ITPR2: variants seen among roughly 807,000 people sequenced by gnomAD.
The protein encoded by ITPR2 is inositol 1,4,5-trisphosphate receptor type 2.
In ITPR2, 207 loss-of-function variants were observed where a neutral mutation model predicts 317.1. That is an observed-to-expected ratio of 0.65 (90% CI 0.58 to 0.73). The LOEUF (loss-of-function observed/expected upper bound fraction) is 0.73. Among genes scored for constraint, ITPR2 ranks in the 30% least tolerant of loss-of-function variants. The pLI is 0.00. For synonymous variants in ITPR2, 1,156 were observed against 1,149.1 expected, an observed-to-expected ratio of 1.01 and a Z score of -0.12; for missense variants, 2,613 against 3,284.0, an observed-to-expected ratio of 0.80 and a Z score of 4.99.
chr12:26,723,154 A>G (rs1197821961), intron 4 of ITPR2, among the ~76,000 whole-genome samples: 1 of 152,308 alleles, frequency 6.6e-6, no homozygotes, highest in African/African-American at 2.4e-5. Flanking sequence ...TTACAAAAAC[A>G]TGATTCTACT....
chr12:26,379,011 A>T (rs1939426183), intron 55 of ITPR2, among the ~76,000 whole-genome samples: 2 of 152,188 alleles, frequency 1.3e-5, no homozygotes, highest in Non-Finnish European at 2.9e-5. Flanking sequence ...GGTTGGGTAC[A>T]GCTGGCCTTG....
At chr12:26,411,452 A>G (rs2136671214) in intron 51 of ITPR2, 40 bp from the exon 52 acceptor site, 2 of 1,351,164 alleles carry the variant, frequency 1.5e-6, no homozygotes, top group Non-Finnish European at 2.1e-6. Flanking sequence ...AGAGTCAAAT[A>G]TGCACATGAT....
In ITPR2 at chr12:26,791,163, C is replaced by T. The variant is rs181707753; in HGVS notation, c.93-936G>A. ...GTAGGACAATTTCAAGACAGAGAAG[C>T]TGAATCTCTGAACCGAGAGCCAGGA... On this transcript the variant is annotated intron_variant, in intron 1 of 56. Coordinates refer to ENST00000381340, the MANE Select transcript of ITPR2 (RefSeq NM_002223.4). Among the ~76,000 whole-genome samples, 154 of 152,276 alleles carry T rather than the reference C, an allele frequency of 1.0e-3. 1 individual carries two copies. The highest frequency in any genetic ancestry group is 1.2e-3 in the Non-Finnish European group (79 of 68,020).
chr12:26,411,791 G>A (rs1465639143), intron 51 of ITPR2, among the ~76,000 whole-genome samples: 1 of 152,130 alleles, frequency 6.6e-6, no homozygotes, highest in Non-Finnish European at 1.5e-5. Context: ...TGAGCCCTAA[G>A]CCACTCGTCC....
intron 2 of ITPR2, among the ~76,000 whole-genome samples, chr12:26,776,748 C>T (rs529113148): frequency 6.6e-6 from 1 of 152,312 alleles, no homozygotes; most frequent in African/African-American, 2.4e-5. Context: ...AGTAGATAAA[C>T]CCTGCACTGC....
chr12:26,532,154 G>A (rs1006417220), intron 37 of ITPR2, among the ~76,000 whole-genome samples: 7 of 152,242 alleles, frequency 4.6e-5, no homozygotes, highest in African/African-American at 1.7e-4. Context: ...ACAGGTGCAA[G>A]GAATAAGTCA....
rs1942594379 is a variant in ITPR2 at position 26,483,681 on chromosome 12, T to C, written c.6012+17A>G. The C allele has an allele frequency of 1.9e-6, 3 of 1,581,314 alleles. No individual in the cohort carries two copies. In the South Asian group the frequency reaches 3.3e-5, roughly 18 times the overall value. On this transcript the variant is annotated intron_variant, in intron 42 of 56. Transcript: ENST00000381340. ...AATTAATCCCTTTACTAATTAGTCA[T>C]GGATACTTCTGGTTACCTGATTTTC...
At chr12:26,425,425 T>C (rs1401601242) in intron 49 of ITPR2, among the ~76,000 whole-genome samples, 1 of 151,876 alleles carries the variant, frequency 6.6e-6, no homozygotes, top group African/African-American at 2.4e-5. Flanking sequence ...TCCCAGCACT[T>C]TGGGAGGCCA....
chr12:26,429,264 G>A (rs564229256), intron 48 of ITPR2, among the ~76,000 whole-genome samples: 1 of 152,206 alleles, frequency 6.6e-6, no homozygotes, highest in Admixed American at 6.5e-5. Context: ...CTTTTGCAAG[G>A]TTTGTTCTTA....
chr12:26,338,487 A>G lies in ITPR2; in HGVS notation c.*910T>C, dbSNP rs947658960. On this transcript the variant is annotated 3_prime_UTR_variant, in exon 57 of 57. Transcript: ENST00000381340. ...CGTTGAGTCAAATGGCTTTCACTCC[A>G]TGTTTATAAAAGGCAATGCCACCAT... 2 of 152,622 alleles carry G rather than the reference A, an allele frequency of 1.3e-5. No homozygotes were observed. Among genetic ancestry groups the G allele is most frequent in the African/African-American group, 2.4e-5 (1 of 41,456 alleles). 9.5% of individuals were successfully genotyped at this position (152,622 alleles called of 1,614,324 possible). A position where few individuals can be genotyped will look rare whatever the true frequency, so the allele number is the denominator to read the frequency against.
At chr12:26,709,306 T>TA (rs1386945251) in intron 9 of ITPR2, among the ~76,000 whole-genome samples, 1 of 152,090 alleles carries the variant, frequency 6.6e-6, no homozygotes, top group Non-Finnish European at 1.5e-5. Context: ...CACTAGACCA[T>TA]AAAAAAGATG....
At chr12:26,821,852 A>G (rs1950943771) in intron 1 of ITPR2, among the ~76,000 whole-genome samples, 1 of 152,218 alleles carries the variant, frequency 6.6e-6, no homozygotes, top group Admixed American at 6.5e-5. Context: ...CTGCAACTTG[A>G]GTTGGTGAGT....
At chr12:26,803,771 C>G (rs1394526110) in intron 1 of ITPR2, among the ~76,000 whole-genome samples, 3 of 152,048 alleles carry the variant, frequency 2.0e-5, no homozygotes, top group African/African-American at 4.8e-5. Flanking sequence ...ACATGAGAAC[C>G]AACTACCACT....
intron 34 of ITPR2, among the ~76,000 whole-genome samples, chr12:26,566,248 T>TGAGAGGAGAGG (rs1252425587): frequency 8.3e-5 from 2 of 24,012 alleles, no homozygotes; most frequent in Non-Finnish European, 1.6e-4. Context: ...AGAGGAGAGG[T>TGAGAGGAGAGG]GAGAGGAGAG....
At position 26,484,867 on chromosome 12, in the gene ITPR2, A is replaced by T. The variant is rs563736330; in HGVS notation, c.5812-969T>A. Among the ~76,000 whole-genome samples the T allele has an allele frequency of 4.6e-5, 7 of 152,102 alleles. No homozygotes were observed. In the South Asian group the frequency reaches 8.3e-4, roughly 18 times the overall value. On this transcript the variant is annotated intron_variant, in intron 41 of 56. Transcript: ENST00000381340. Reference sequence around the variant, plus strand: ...GCTGGGACTACAGGTGCCAGCCACCACGCCCAGCTAATTTTTTGTATTTTT... The same window carrying T: ...GCTGGGACTACAGGTGCCAGCCACCTCGCCCAGCTAATTTTTTGTATTTTT...
At chr12:26,745,723 C>G (rs1185319693) in intron 2 of ITPR2, among the ~76,000 whole-genome samples, 4 of 152,122 alleles carry the variant, frequency 2.6e-5, no homozygotes, top group African/African-American at 7.2e-5. Context: ...TTTTGTGGAA[C>G]ACAATTATCA....
intron 37 of ITPR2, among the ~76,000 whole-genome samples, chr12:26,515,118 T>C (rs1943451109): frequency 1.3e-5 from 2 of 152,210 alleles, no homozygotes; most frequent in Admixed American, 1.3e-4. Flanking sequence ...TGAACCAGTT[T>C]ACTCCAGTAT....
rs376067433 is a variant in ITPR2, at chr12:26,695,662, A to C, written c.952-12T>G. On this transcript the variant is annotated splice_polypyrimidine_tract_variant and intron_variant, in intron 9 of 56. Coordinates refer to ENST00000381340, the MANE Select transcript of ITPR2 (RefSeq NM_002223.4). Reference sequence around the variant, plus strand: ...TAATCAGGATTAAGCTAGAAAAACAAAGGAAAATTTAGTTTTTCATTGCTA... The same window carrying C: ...TAATCAGGATTAAGCTAGAAAAACACAGGAAAATTTAGTTTTTCATTGCTA... 2.9e-5 allele frequency: 47 copies of C among 1,609,012 alleles called. No homozygotes were observed. Among genetic ancestry groups the C allele is most frequent in the African/African-American group, 5.3e-5 (4 of 74,826 alleles).
Position 26,639,136 on chromosome 12 carries a change from G to T in ITPR2, c.2741-7077C>A, listed in dbSNP as rs544921783. Among the ~76,000 whole-genome samples the T allele has an allele frequency of 3.3e-5, 5 of 152,264 alleles. No individual in the cohort carries two copies. In the South Asian group the frequency reaches 6.2e-4, roughly 19 times the overall value. ...TTGCATAGGACTATACAGAGAGGAG[G>T]GGGGACGCAGGTGATGTGCTAGCCA... On this transcript the variant is annotated intron_variant, in intron 21 of 56. Transcript: ENST00000381340.
Sources: gnomAD v4.1 joint callset for allele counts (sites outside exome capture counted in the v4.1 genomes callset) on GRCh38, gnomAD v4.1.1 for gene constraint, MANE v1.5 for transcripts, NCBI Gene and HGNC (gene_info 2026-07-23, HGNC 2026-07-21) for gene names.